Variants in WWTR1 observed in about 807,000 individuals in gnomAD.
WWTR1 encodes the protein WW domain-containing transcription regulator protein 1.
A neutral mutation model predicts 40.1 loss-of-function variants in WWTR1; 13 were observed. The observed-to-expected ratio is 0.32, with a 90% CI of 0.21 to 0.52. The LOEUF is 0.52. WWTR1 is among the 20% of genes least tolerant of loss of function. The pLI is 0.97. For missense variants in WWTR1, 436 were observed against 523.1 expected, an observed-to-expected ratio of 0.83 and a Z score of 1.63; for synonymous variants, 230 against 210.1, an observed-to-expected ratio of 1.09 and a Z score of -0.82.
At chr3:149,706,020 G>A (rs534477943), upstream of WWTR1, among the ~76,000 whole-genome samples, 1 of 151,970 alleles carries the variant, frequency 6.6e-6, no homozygotes, top group African/African-American at 2.4e-5. Flanking sequence ...TTGAAACTCC[G>A]TCTCTACAAA....
chr3:149,526,177 C>G, intron 5 of WWTR1, 52 bp from the exon 6 acceptor site: 1 of 1,394,868 alleles, frequency 7.2e-7, no homozygotes, highest in Non-Finnish European at 9.8e-7. Flanking sequence ...AAATAAATCT[C>G]AAAATTAAAA....
chr3:149,608,054 A>G (rs113414435), intron 2 of WWTR1, among the ~76,000 whole-genome samples: 4,087 of 152,324 alleles, frequency 0.027, 160 homozygotes, highest in African/African-American at 0.094. Context: ...TATTTGTTAC[A>G]TGAATGAATA....
At chr3:149,712,466 C>G (rs969729462) in intron 5 of WWTR1, among the ~76,000 whole-genome samples, 3 of 152,190 alleles carry the variant, frequency 2.0e-5, no homozygotes, top group Non-Finnish European at 4.4e-5. Context: ...ACCCAACATT[C>G]TCTTGTTCCT....
At chr3:149,704,154 T>C (rs775056974), upstream of WWTR1, among the ~76,000 whole-genome samples, 48 of 152,124 alleles carry the variant, frequency 3.2e-4, no homozygotes, top group Admixed American at 9.2e-4. Flanking sequence ...AGAATATCTT[T>C]TTAAAAATGC....
intron 2 of WWTR1, among the ~76,000 whole-genome samples, chr3:149,653,220 C>T (rs1713000930): frequency 6.6e-6 from 1 of 152,088 alleles, no homozygotes; most frequent in Non-Finnish European, 1.5e-5. Context: ...CTTTATAATT[C>T]CCCATTTTCT....
intron 2 of WWTR1, among the ~76,000 whole-genome samples, chr3:149,635,506 G>T (rs879391344): frequency 1.3e-5 from 2 of 150,856 alleles, no homozygotes; most frequent in Non-Finnish European, 2.9e-5. Context: ...AGGAGAAGAA[G>T]AAGAAGAAGG....
chr3:149,619,975 C>A (rs1451391799), intron 2 of WWTR1, among the ~76,000 whole-genome samples: 1 of 152,192 alleles, frequency 6.6e-6, no homozygotes, highest in Non-Finnish European at 1.5e-5. Flanking sequence ...ATTACACCTT[C>A]CTTTAGTCAC....
chr3:149,675,837 C>A (rs1362178920), intron 1 of WWTR1, among the ~76,000 whole-genome samples: 1 of 152,062 alleles, frequency 6.6e-6, no homozygotes, highest in African/African-American at 2.4e-5. Context: ...CCTGCCTCAG[C>A]CTCCCGAGTA....
At chr3:149,637,451 G>T (rs1489139403) in intron 2 of WWTR1, among the ~76,000 whole-genome samples, 2 of 151,800 alleles carry the variant, frequency 1.3e-5, no homozygotes, top group African/African-American at 4.8e-5. Context: ...GGCTGGTCTT[G>T]AACTCCTAAC....
chr3:149,598,988 T>C (rs1306736867), intron 2 of WWTR1, among the ~76,000 whole-genome samples: 4 of 152,234 alleles, frequency 2.6e-5, no homozygotes, highest in African/African-American at 9.6e-5. Context: ...AGAACAATTT[T>C]AATGATATTT....
At chr3:149,545,046 T>C (rs1171939807) in intron 3 of WWTR1, among the ~76,000 whole-genome samples, 2 of 152,170 alleles carry the variant, frequency 1.3e-5, no homozygotes, top group Admixed American at 6.5e-5. Flanking sequence ...ATAAAATCAG[T>C]TGGGCATTTC....
chr3:149,706,640 G>A (rs1232249640), upstream of WWTR1, among the ~76,000 whole-genome samples: 1 of 152,118 alleles, frequency 6.6e-6, no homozygotes, highest in Non-Finnish European at 1.5e-5. Context: ...CTTAGAGATA[G>A]CAGAAAAAGG....
rs143276839 is a variant in WWTR1 at position 149,600,137 on chromosome 3, G to A, written c.432-27137C>T. 1.9e-3 allele frequency among the ~76,000 whole-genome samples: 290 copies of A among 152,228 alleles called. 1 individual carries two copies. The highest frequency in any genetic ancestry group is 6.6e-3 in the African/African-American group (273 of 41,540). ...GACATTGTCTATAAAGGACTTGAGCGTCGTCAAATTTTTGTATCTTCCAGG... is the reference window on the plus strand; with the variant it reads ...GACATTGTCTATAAAGGACTTGAGCATCGTCAAATTTTTGTATCTTCCAGG... On this transcript the variant is annotated intron_variant, in intron 2 of 6. Transcript: ENST00000360632.
At chr3:149,688,966 A>C (rs187128182) in intron 1 of WWTR1, among the ~76,000 whole-genome samples, 1 of 152,380 alleles carries the variant, frequency 6.6e-6, no homozygotes, top group Admixed American at 6.5e-5. Context: ...TTTAAAAATC[A>C]AGGAGAAATT....
In WWTR1 at chr3:149,521,626, T is replaced by C. The variant is rs570942742; in HGVS notation, c.1019-637A>G. On this transcript the variant is annotated intron_variant, in intron 6 of 6. Coordinates refer to ENST00000360632, the MANE Select transcript of WWTR1 (RefSeq NM_015472.6). ...TTTAAGACACTATTTCCTAAACCCATTTAATCACCTAAACCTATTTTGGCA... is the reference window on the plus strand; with the variant it reads ...TTTAAGACACTATTTCCTAAACCCACTTAATCACCTAAACCTATTTTGGCA... Among the ~76,000 whole-genome samples, 5 of 152,316 alleles carry C rather than the reference T, an allele frequency of 3.3e-5. No homozygotes were observed. In the South Asian group the frequency reaches 8.3e-4, roughly 25 times the overall value.
At chr3:149,667,465 G>A (rs898755751) in intron 2 of WWTR1, among the ~76,000 whole-genome samples, 16 of 151,706 alleles carry the variant, frequency 1.1e-4, no homozygotes, top group East Asian at 5.8e-4. Context: ...GGAGAATGGC[G>A]TGAACCCAGG....
At position 149,623,734 on chromosome 3, in the gene WWTR1, C is replaced by T. The variant is rs372727359; in HGVS notation, c.431+33142G>A. Reference sequence around the variant, plus strand: ...CAGGGCTAATCATCCACTATGTGACCGTGTAGAGAAGATACAATCCTGATA... The same window carrying T: ...CAGGGCTAATCATCCACTATGTGACTGTGTAGAGAAGATACAATCCTGATA... On this transcript the variant is annotated intron_variant, in intron 2 of 6. Coordinates refer to ENST00000360632, the MANE Select transcript of WWTR1 (RefSeq NM_015472.6). Among the ~76,000 whole-genome samples the T allele has an allele frequency of 1.4e-3, 211 of 152,168 alleles. 1 individual carries two copies. The highest frequency in any genetic ancestry group is 4.7e-3 in the African/African-American group (197 of 41,496).
chr3:149,691,909 G>C (rs1323666750), intron 1 of WWTR1, among the ~76,000 whole-genome samples: 1 of 151,994 alleles, frequency 6.6e-6, no homozygotes, highest in South Asian at 2.1e-4. Context: ...CCAGCTCCTC[G>C]GGAGGCTGAG....
At chr3:149,632,631 A>G (rs1158409189) in intron 2 of WWTR1, among the ~76,000 whole-genome samples, 1 of 152,256 alleles carries the variant, frequency 6.6e-6, no homozygotes, top group African/African-American at 2.4e-5. Context: ...TGTAATTTTC[A>G]AAAAGGTGGA....
Sources: allele counts gnomAD v4.1 joint callset (sites outside exome capture counted in the v4.1 genomes callset), GRCh38; gene constraint gnomAD v4.1.1; transcripts MANE v1.5; gene names NCBI Gene and HGNC (gene_info 2026-07-23, HGNC 2026-07-21).